Variants in PLXDC1 observed in about 807,000 individuals in gnomAD.
The protein encoded by PLXDC1 is plexin domain-containing protein 1.
Under a neutral mutation model 61.3 loss-of-function variants are expected in PLXDC1, and 39 were observed. That is an observed-to-expected ratio of 0.64 (90% CI 0.49 to 0.83). The LOEUF is 0.83. Ranked by LOEUF, PLXDC1 falls within the 40% of genes least tolerant of loss-of-function variation. The pLI is 0.00. For synonymous variants in PLXDC1, 212 were observed against 254.5 expected, an observed-to-expected ratio of 0.83 and a Z score of 1.59; for missense variants, 596 against 666.5, an observed-to-expected ratio of 0.89 and a Z score of 1.17.
chr17:39,113,243 A>AG (rs1465129378), intron 2 of PLXDC1: 1 of 152,248 alleles, frequency 6.6e-6, no homozygotes, highest in Non-Finnish European at 1.5e-5. Context: ...CTCCTTTCCC[A>AG]GGGCCTTGAG....
intron 1 of PLXDC1, among the ~76,000 whole-genome samples, chr17:39,146,086 T>C (rs2045340745): frequency 6.6e-6 from 1 of 151,254 alleles, no homozygotes; most frequent in Admixed American, 6.6e-5. Flanking sequence ...TTTTTTTTTT[T>C]TTGAGAGGGA....
chr17:39,152,458 A>G (rs2045380524), upstream of PLXDC1: 2 of 1,104,810 alleles, frequency 1.8e-6, no homozygotes, highest in Middle Eastern at 2.2e-4. Context: ...TCCAGGACAG[A>G]ATAAAAATAC....
In PLXDC1 at chr17:39,139,683, T is replaced by A; in HGVS notation, c.226A>T (p.Thr76Ser). 1.9e-6 allele frequency: 3 copies of A among 1,610,852 alleles called. No individual in the cohort carries two copies. The highest frequency in any genetic ancestry group is 2.5e-6 in the Non-Finnish European group (3 of 1,178,352). ...DLGGGTLAMD[T>S]LPDNRTRVVE... ...ACCCTGGTCCTGTTATCTGGCAGCGTGTCCATGGCCAGGGTGCCCCCACCC... is the reference window on the plus strand; with the variant it reads ...ACCCTGGTCCTGTTATCTGGCAGCGAGTCCATGGCCAGGGTGCCCCCACCC... The change falls in exon 2 of 14, where the codon ACG (threonine) becomes TCG (serine). Residue 76 changes from threonine to serine, a missense_variant. Thr to Ser is a moderately conservative substitution (Grantham distance 58). Coordinates refer to ENST00000315392, the MANE Select transcript of PLXDC1 (RefSeq NM_020405.5).
chr17:39,120,159 T>C (rs577503069), intron 2 of PLXDC1, among the ~76,000 whole-genome samples: 1 of 152,284 alleles, frequency 6.6e-6, no homozygotes, highest in South Asian at 2.1e-4. Context: ...GCTTTTTTGT[T>C]TTGTTTTTTG....
At chr17:39,132,232 C>G (rs778977566) in intron 2 of PLXDC1, among the ~76,000 whole-genome samples, 1 of 152,168 alleles carries the variant, frequency 6.6e-6, no homozygotes, top group Non-Finnish European at 1.5e-5. Flanking sequence ...GGAAGAGAAC[C>G]TTTGCCAAGA....
intron 2 of PLXDC1, among the ~76,000 whole-genome samples, chr17:39,136,358 T>TA (rs1223056959): frequency 2.0e-5 from 3 of 152,166 alleles, no homozygotes; most frequent in African/African-American, 7.2e-5. Context: ...TGCAATATTT[T>TA]AAAAAATCAA....
intron 11 of PLXDC1, among the ~76,000 whole-genome samples, chr17:39,075,629 A>C (rs1909297353): frequency 6.6e-6 from 1 of 152,162 alleles, no homozygotes; most frequent in Non-Finnish European, 1.5e-5. Context: ...CTGAATGTTA[A>C]TTTATGCGCT....
chr17:39,104,740 C>A (rs1910536129), intron 7 of PLXDC1, among the ~76,000 whole-genome samples: 1 of 151,934 alleles, frequency 6.6e-6, no homozygotes, highest in Non-Finnish European at 1.5e-5. Context: ...GTAGAAATTG[C>A]ACTACTGCAT....
At chr17:39,140,331 A>G (rs1289282840) in intron 1 of PLXDC1, among the ~76,000 whole-genome samples, 3 of 133,014 alleles carry the variant, frequency 2.3e-5, no homozygotes, top group Non-Finnish European at 3.3e-5. Flanking sequence ...TTTGAAATGG[A>G]GTCTCGCTCT....
chr17:39,116,332 TCTCCGCCCCCAG>T (rs1243163686), intron 2 of PLXDC1, among the ~76,000 whole-genome samples: 1 of 152,040 alleles, frequency 6.6e-6, no homozygotes, highest in Non-Finnish European at 1.5e-5. Context: ...GGCACATTCA[TCTCCGCCCCCAG>T]CACCTCCCTA....
chr17:39,116,414 G>A (rs1910967089), intron 2 of PLXDC1, among the ~76,000 whole-genome samples: 6 of 152,186 alleles, frequency 3.9e-5, no homozygotes, highest in Admixed American at 1.3e-4. Context: ...CAAATGAGCT[G>A]AATCACAAGG....
rs368042653 is a variant in PLXDC1, at chr17:39,079,104, C to T, written c.1050G>A (p.Glu350=). Residue 350 remains glutamate, a splice_region_variant and synonymous_variant, in exon 10 of 14, where the codon GAG becomes GAA. Coordinates refer to ENST00000315392, the MANE Select transcript of PLXDC1 (RefSeq NM_020405.5). ...TGCAGCAGATACTTATGCTTCTCAC[C>T]TCCTGTGCACAGCCATAGTCCATCC... is the stretch of plus-strand genomic sequence containing the variant. ...QEWMDYGCAQ[E]AEGRMCEDFQ... is the part of the protein sequence containing the mutation. The T allele has an allele frequency of 1.6e-5, 26 of 1,613,172 alleles. No individual in the cohort carries two copies. Among genetic ancestry groups the T allele is most frequent in the Middle Eastern group, 1.7e-4 (1 of 6,056 alleles).
intron 9 of PLXDC1, 121 bp downstream of exon 9, chr17:39,083,338 A>C: frequency 1.3e-6 from 1 of 747,822 alleles, no homozygotes; most frequent in Non-Finnish European, 2.4e-6. Flanking sequence ...TCAGAGTGGT[A>C]CTGGCCAGAG....
chr17:39,065,383 T>C lies in PLXDC1; in HGVS notation c.*2457A>G, dbSNP rs1908854389. On this transcript the variant is annotated 3_prime_UTR_variant, in exon 14 of 14. Transcript: ENST00000315392. Reference sequence around the variant, plus strand: ...CAGGATCCCTGACAATGTAAGCATTTCTTTTTCCGTTCTTTTTTTTTTTTT... The same window carrying C: ...CAGGATCCCTGACAATGTAAGCATTCCTTTTTCCGTTCTTTTTTTTTTTTT... 1 of 145,436 alleles carries C rather than the reference T, an allele frequency of 6.9e-6. No homozygotes were observed. Among genetic ancestry groups the C allele is most frequent in the Admixed American group, 7.6e-5 (1 of 13,218 alleles). 9.0% of individuals were successfully genotyped at this position (145,436 alleles called of 1,614,324 possible). A position where few individuals can be genotyped will look rare whatever the true frequency, so the allele number is the denominator to read the frequency against.
rs569666553 is a variant in PLXDC1 at position 39,092,665 on chromosome 17, G to A, written c.812-4963C>T. ...CTTTACAAAGGAGAAAAGTGAGATC[G>A]GAGAGGGGACGTTATTTGCCCAAAG... On this transcript the variant is annotated intron_variant, in intron 7 of 13. Transcript: ENST00000315392. Among the ~76,000 whole-genome samples, 15 of 152,336 alleles carry A rather than the reference G, an allele frequency of 9.8e-5. 1 individual carries two copies. In the South Asian group the frequency reaches 2.7e-3, roughly 27 times the overall value.
At chr17:39,075,281 C>T (rs765335085) in intron 11 of PLXDC1, among the ~76,000 whole-genome samples, 3 of 152,200 alleles carry the variant, frequency 2.0e-5, no homozygotes, top group Non-Finnish European at 4.4e-5. Flanking sequence ...TCATTGAATC[C>T]CCTGCAGCAC....
At chr17:39,128,077 C>CTATGTG (rs1184478760) in intron 2 of PLXDC1, among the ~76,000 whole-genome samples, 1 of 103,502 alleles carries the variant, frequency 9.7e-6, no homozygotes, top group Non-Finnish European at 2.0e-5. Flanking sequence ...GTCTCTCTCT[C>CTATGTG]TCTCTCTCTC....
At chr17:39,091,551 G>A (rs1377323864) in intron 7 of PLXDC1, among the ~76,000 whole-genome samples, 1 of 152,206 alleles carries the variant, frequency 6.6e-6, no homozygotes, top group Admixed American at 6.5e-5. Flanking sequence ...TGGACAGAGT[G>A]GGTGGGATGA....
Position 39,128,105 on chromosome 17 carries a change from A to ATGTATATATATATGTG in PLXDC1, c.255+11548_255+11549insCACATATATATATACA, listed in dbSNP as rs1363076233. On this transcript the variant is annotated intron_variant, in intron 2 of 13. Transcript: ENST00000315392. ...TCTCTCTCTCTCTATGTGTATATAT[A>ATGTATATATATATGTG]TATATATATGTATATATATATGTGT... 1.9e-3 allele frequency among the ~76,000 whole-genome samples: 152 copies of ATGTATATATATATGTG among 81,770 alleles called. 11 individuals carry two copies. Among genetic ancestry groups the ATGTATATATATATGTG allele is most frequent in the African/African-American group, 6.6e-3 (123 of 18,752 alleles). The allele number at this position is 81,770 out of a possible 152,430, so 53.6% of individuals were successfully genotyped here. A position where few individuals can be genotyped will look rare whatever the true frequency, so the allele number is the denominator to read the frequency against.
Sources: allele counts gnomAD v4.1 joint callset (sites outside exome capture counted in the v4.1 genomes callset), GRCh38; gene constraint gnomAD v4.1.1; transcripts MANE v1.5; gene names NCBI Gene and HGNC (gene_info 2026-07-23, HGNC 2026-07-21).